U2SURP: variants seen among roughly 807,000 people sequenced by gnomAD.
The protein encoded by U2SURP is U2 snRNP associated SURP domain containing.
In U2SURP, 9 loss-of-function variants were observed where a neutral mutation model predicts 144.9. The ratio of observed to expected loss-of-function variants is 0.06; its 90% confidence interval spans 0.04 to 0.11. U2SURP has a LOEUF of 0.11. U2SURP is among the 10% of genes least tolerant of loss of function. The pLI, the probability that U2SURP is intolerant of heterozygous loss-of-function variation, is 1.00. For synonymous variants in U2SURP, 408 were observed against 396.8 expected, an observed-to-expected ratio of 1.03 and a Z score of -0.33; for missense variants, 724 against 1,226.7, an observed-to-expected ratio of 0.59 and a Z score of 6.12.
intron 23 of U2SURP, among the ~76,000 whole-genome samples, 187 bp from the exon 24 acceptor site, chr3:143,042,930 T>G (rs6802445): frequency 2.6e-5 from 4 of 152,136 alleles, no homozygotes; most frequent in African/African-American, 9.7e-5. Context: ...GAAAGAAGTG[T>G]TTTATAAAAT....
At position 143,059,877 on chromosome 3, in the gene U2SURP, C is replaced by T. The variant is rs111440951; in HGVS notation, c.*3427C>T. On this transcript the variant is annotated 3_prime_UTR_variant, in exon 28 of 28. Transcript: ENST00000473835. ...GTGCTTGATCTCTTCATATTTCACA[C>T]GCATGTTTTAGAATAGATTTTAGGG... 3.8e-4 allele frequency: 58 copies of T among 152,314 alleles called. No individual in the cohort carries two copies. Among genetic ancestry groups the T allele is most frequent in the African/African-American group, 1.3e-3 (54 of 41,376 alleles). 9.4% of individuals were successfully genotyped at this position (152,314 alleles called of 1,614,324 possible).
At chr3:143,003,677 C>CTTTTTTTTTTTT (rs60505715) in intron 1 of U2SURP, among the ~76,000 whole-genome samples, 24 of 101,508 alleles carry the variant, frequency 2.4e-4, no homozygotes, top group Non-Finnish European at 3.6e-4. Flanking sequence ...TATTTTATTT[C>CTTTTTTTTTTTT]TTTTTTTTTT....
chr3:143,025,748 C>G (rs1265123751), intron 13 of U2SURP: 1 of 152,052 alleles, frequency 6.6e-6, no homozygotes, highest in Non-Finnish European at 1.5e-5. Flanking sequence ...ATGATTTCCC[C>G]TTTGTAAAGA....
chr3:143,057,695 C>T lies in U2SURP; in HGVS notation c.*1245C>T, dbSNP rs1935212507. The T allele has an allele frequency of 6.6e-6, 1 of 151,250 alleles. No individual in the cohort carries two copies. The highest frequency in any genetic ancestry group is 2.1e-4 in the South Asian group (1 of 4,824). 9.4% of individuals were successfully genotyped at this position (151,250 alleles called of 1,614,324 possible). A position where few individuals can be genotyped will look rare whatever the true frequency, so the allele number is the denominator to read the frequency against. On this transcript the variant is annotated 3_prime_UTR_variant, in exon 28 of 28. Transcript: ENST00000473835. ...TTGATTTCAGTTTTTTATGTAGGCA[C>T]TTCATACACTGGTTTGATGGGTTTT...
At chr3:143,007,370 A>C (rs1578108749) in intron 1 of U2SURP, among the ~76,000 whole-genome samples, 1 of 143,382 alleles carries the variant, frequency 7.0e-6, no homozygotes, top group African/African-American at 2.7e-5. Context: ...CAGTCGTCCC[A>C]CCTCAGCCTC....
At chr3:143,050,320 A>C (rs373636193) in intron 24 of U2SURP, among the ~76,000 whole-genome samples, 4 of 152,168 alleles carry the variant, frequency 2.6e-5, no homozygotes, top group South Asian at 2.1e-4. Context: ...TGATCCGCCC[A>C]CCTCGGCCTC....
chr3:143,018,906 CAA>C (rs1269536072), intron 6 of U2SURP, among the ~76,000 whole-genome samples: 1 of 152,136 alleles, frequency 6.6e-6, no homozygotes, highest in Non-Finnish European at 1.5e-5. Flanking sequence ...GCCTGGGCAA[CAA>C]GAGCGAAACT....
intron 1 of U2SURP, among the ~76,000 whole-genome samples, chr3:143,008,986 C>G (rs1465408830): frequency 1.3e-5 from 2 of 152,064 alleles, no homozygotes; most frequent in Non-Finnish European, 2.9e-5. Context: ...TTGATCCACC[C>G]GCCTCGGCCT....
chr3:143,032,071 C>CTT (rs763621819), intron 16 of U2SURP, among the ~76,000 whole-genome samples: 1 of 145,278 alleles, frequency 6.9e-6, no homozygotes, highest in Non-Finnish European at 1.5e-5. Flanking sequence ...TATTTGTAAT[C>CTT]TTTTTTTTTT....
intron 24 of U2SURP, among the ~76,000 whole-genome samples, chr3:143,049,079 AC>A: frequency 6.7e-6 from 1 of 148,926 alleles, no homozygotes; most frequent in Non-Finnish European, 1.5e-5. Context: ...ACATAGCGAA[AC>A]CCTGTCTCTG....
rs1181940865 is a variant in U2SURP at position 143,020,592 on chromosome 3, T to C, written c.639-7T>C. 1.2e-6 allele frequency: 2 copies of C among 1,603,890 alleles called. No homozygotes were observed. Among genetic ancestry groups the C allele is most frequent in the Non-Finnish European group, 1.7e-6 (2 of 1,174,050 alleles). ...TCATTATAAGTGATTGTAAATATTTTCAACAGAATTCAAGAGGAACGTGAT... is the reference window on the plus strand; with the variant it reads ...TCATTATAAGTGATTGTAAATATTTCCAACAGAATTCAAGAGGAACGTGAT... On this transcript the variant is annotated splice_region_variant and splice_polypyrimidine_tract_variant and intron_variant, in intron 7 of 27. Coordinates refer to ENST00000473835, the MANE Select transcript of U2SURP (RefSeq NM_001080415.2).
chr3:143,034,859 T>G (rs1195702617), intron 18 of U2SURP, 29 bp from the exon 19 acceptor site: 1 of 1,428,560 alleles, frequency 7.0e-7, no homozygotes, highest in African/African-American at 1.4e-5. Context: ...AAACATTTTA[T>G]TTTAAAGAAT....
At chr3:143,002,128 A>C in intron 1 of U2SURP, 10 of 240,650 alleles carry the variant, frequency 4.2e-5, no homozygotes. Flanking sequence ...CCAAGGAATG[A>C]ATAACCTCTA....
chr3:143,048,561 G>A (rs534779438), intron 24 of U2SURP, among the ~76,000 whole-genome samples: 1 of 152,254 alleles, frequency 6.6e-6, no homozygotes, highest in East Asian at 1.9e-4. Flanking sequence ...GACTTTTAGA[G>A]AGCTTTGAAA....
In U2SURP at chr3:143,051,447, T is replaced by C. The variant is rs554245811; in HGVS notation, c.2655+398T>C. ...TTGAGAAGTTTATTTTCATTTCTCA[T>C]GGTTTCCAGGGAGGGACAGCAAGTG... On this transcript the variant is annotated intron_variant, in intron 25 of 27. Transcript: ENST00000473835. Among the ~76,000 whole-genome samples, 150 of 152,042 alleles carry C rather than the reference T, an allele frequency of 9.9e-4. 1 individual carries two copies. Among genetic ancestry groups the C allele is most frequent in the African/African-American group, 3.5e-3 (144 of 41,502 alleles).
chr3:143,053,535 ATT>A (rs11441481), intron 25 of U2SURP, 139 bp from the exon 26 acceptor site: 114 of 467,572 alleles, frequency 2.4e-4, no homozygotes, highest in Non-Finnish European at 3.1e-4. Context: ...GAAGGGGTAG[ATT>A]TTTTTTTTTT....
intron 24 of U2SURP, among the ~76,000 whole-genome samples, chr3:143,044,891 G>A (rs376043257): frequency 2.0e-5 from 3 of 152,214 alleles, no homozygotes; most frequent in South Asian, 2.1e-4. Context: ...TAGAGTCAGC[G>A]TGGTGTCATT....
intron 24 of U2SURP, among the ~76,000 whole-genome samples, chr3:143,050,074 G>GT (rs575590488): frequency 1.2e-3 from 174 of 146,906 alleles, no homozygotes; most frequent in African/African-American, 2.4e-3. Context: ...TTCTGGTCTG[G>GT]TTTTTTTTTT....
chr3:143,020,519 A>G (rs1936578860), intron 7 of U2SURP, 80 bp from the exon 8 acceptor site: 1 of 878,632 alleles, frequency 1.1e-6, no homozygotes, highest in Non-Finnish European at 1.8e-6. Flanking sequence ...ATTTGATGAT[A>G]GTAATTTGAT....
Sources: gnomAD v4.1 joint callset for allele counts (sites outside exome capture counted in the v4.1 genomes callset) on GRCh38, gnomAD v4.1.1 for gene constraint, MANE v1.5 for transcripts, NCBI Gene and HGNC (gene_info 2026-07-23, HGNC 2026-07-21) for gene names.